CUEDC1: variants seen among roughly 807,000 people sequenced by gnomAD.
CUEDC1 encodes CUE domain-containing protein 1.
A neutral mutation model predicts 43.7 loss-of-function variants in CUEDC1; 30 were observed. The observed-to-expected ratio is 0.69, with a 90% CI of 0.51 to 0.93. CUEDC1 has a LOEUF of 0.93. Ranked by LOEUF, CUEDC1 falls within the 40% of genes least tolerant of loss-of-function variation. CUEDC1 has a pLI of 0.00. For missense variants in CUEDC1, 486 were observed against 549.0 expected, an observed-to-expected ratio of 0.89 and a Z score of 1.15; for synonymous variants, 223 against 223.6, an observed-to-expected ratio of 1.00 and a Z score of 0.02.
intron 1 of CUEDC1, among the ~76,000 whole-genome samples, chr17:57,951,210 C>CAAT (rs988793974): frequency 6.6e-6 from 1 of 151,634 alleles, no homozygotes; most frequent in African/African-American, 2.4e-5. Context: ...GCAGAAATGG[C>CAAT]AATAATAATA....
chr17:57,918,197 C>T (rs1273174730), intron 1 of CUEDC1, among the ~76,000 whole-genome samples: 2 of 152,214 alleles, frequency 1.3e-5, no homozygotes, highest in Non-Finnish European at 2.9e-5. Context: ...AGTACATGTG[C>T]AAAACCCTCA....
intron 1 of CUEDC1, among the ~76,000 whole-genome samples, chr17:57,947,231 G>A (rs1012664284): frequency 1.3e-5 from 2 of 151,970 alleles, no homozygotes; most frequent in Non-Finnish European, 2.9e-5. Flanking sequence ...ATTAGAGGAG[G>A]AAGCAAAAGT....
At chr17:57,942,316 C>T (rs142648943) in intron 1 of CUEDC1, among the ~76,000 whole-genome samples, 123 of 152,234 alleles carry the variant, frequency 8.1e-4, no homozygotes, top group African/African-American at 2.8e-3. Context: ...TCATGGGGTG[C>T]GAATGGCCCA....
chr17:57,917,630 G>A (rs1240621883), intron 1 of CUEDC1, among the ~76,000 whole-genome samples: 5 of 152,228 alleles, frequency 3.3e-5, no homozygotes, highest in Non-Finnish European at 2.9e-5. Context: ...ATTGACTGAT[G>A]TGGAGACAGG....
At chr17:57,915,822 G>T (rs1390400406) in intron 1 of CUEDC1, among the ~76,000 whole-genome samples, 1 of 152,216 alleles carries the variant, frequency 6.6e-6, no homozygotes, top group African/African-American at 2.4e-5. Flanking sequence ...AAGCTGGGCG[G>T]GGAGGAGGGG....
intron 2 of CUEDC1, among the ~76,000 whole-genome samples, chr17:57,884,723 G>A (rs1042454926): frequency 6.6e-6 from 1 of 152,154 alleles, no homozygotes; most frequent in Non-Finnish European, 1.5e-5. Flanking sequence ...GCTTCCTCTG[G>A]GAAGTCACTC....
chr17:57,885,728 G>T lies in CUEDC1; in HGVS notation c.-164C>A. 8.5e-7 allele frequency: 1 copy of T among 1,175,738 alleles called. No individual in the cohort carries two copies. The highest frequency in any genetic ancestry group is 1.1e-6 in the Non-Finnish European group (1 of 920,916). The allele number at this position is 1,175,738 out of a possible 1,614,324, so 72.8% of individuals were successfully genotyped here. On this transcript the variant is annotated 5_prime_UTR_variant, in exon 2 of 11. Coordinates refer to ENST00000577830, the MANE Select transcript of CUEDC1 (RefSeq NM_001271875.2). ...CAGCAATGGGCTGCCAAGAGCTCCG[G>T]GTTAGGAGAGTACGGGCGCGGGGCC...
chr17:57,888,014 T>A (rs1796379801), intron 1 of CUEDC1, among the ~76,000 whole-genome samples: 1 of 141,916 alleles, frequency 7.0e-6, no homozygotes, highest in African/African-American at 2.6e-5. Flanking sequence ...AAGTCTCCCA[T>A]CTCAGCCTCC....
chr17:57,894,085 T>TCC (rs1370302720), intron 1 of CUEDC1, among the ~76,000 whole-genome samples: 1 of 152,210 alleles, frequency 6.6e-6, no homozygotes, highest in Non-Finnish European at 1.5e-5. Flanking sequence ...AGAGCAAGAC[T>TCC]CCGTCTCAAA....
At chr17:57,894,454 T>C (rs988714293) in intron 1 of CUEDC1, among the ~76,000 whole-genome samples, 2 of 152,124 alleles carry the variant, frequency 1.3e-5, no homozygotes, top group African/African-American at 4.8e-5. Context: ...GCAGATCATC[T>C]GAGGTCAGGA....
rs756164595 is a variant in CUEDC1, at chr17:57,954,635, G to A, written c.-316+590C>T. On this transcript the variant is annotated intron_variant, in intron 1 of 10. Coordinates refer to ENST00000577830, the MANE Select transcript of CUEDC1 (RefSeq NM_001271875.2). The surrounding 1 kb of genome is among the most constrained non-coding windows in gnomAD (Gnocchi z 4.3). ...CCAACTTTCCCTGGCCGAGCTGACG[G>A]GAGATACAGCTCCCAGGGGACCGGG... Among the ~76,000 whole-genome samples, 5 of 151,144 alleles carry A rather than the reference G, an allele frequency of 3.3e-5. No individual in the cohort carries two copies. Among genetic ancestry groups the A allele is most frequent in the Non-Finnish European group, 7.4e-5 (5 of 68,014 alleles).
intron 10 of CUEDC1, among the ~76,000 whole-genome samples, chr17:57,864,065 A>G (rs1386966232): frequency 3.9e-5 from 6 of 152,074 alleles, no homozygotes; most frequent in Non-Finnish European, 7.4e-5. Context: ...GAGCACAGGA[A>G]AAATGGAACT....
intron 1 of CUEDC1, among the ~76,000 whole-genome samples, chr17:57,912,018 G>A (rs2074588520): frequency 6.6e-6 from 1 of 152,236 alleles, no homozygotes; most frequent in African/African-American, 2.4e-5. Flanking sequence ...GGATGCGCAA[G>A]ATAAAAACCT....
chr17:57,886,685 C>T (rs1162738605), intron 1 of CUEDC1, among the ~76,000 whole-genome samples: 1 of 152,268 alleles, frequency 6.6e-6, no homozygotes, highest in East Asian at 1.9e-4. Flanking sequence ...AATGTCAGGC[C>T]GACATGTTTT....
chr17:57,880,221 T>C (rs1326780988), intron 2 of CUEDC1, among the ~76,000 whole-genome samples: 1 of 152,208 alleles, frequency 6.6e-6, no homozygotes, highest in Non-Finnish European at 1.5e-5. Context: ...CCTGTACCCA[T>C]GCTATTCTTT....
chr17:57,942,166 C>T (rs1462709266), intron 1 of CUEDC1, among the ~76,000 whole-genome samples: 1 of 152,128 alleles, frequency 6.6e-6, no homozygotes, highest in East Asian at 1.9e-4. Context: ...TCCCGGCAAA[C>T]TCAGAGAAGG....
At position 57,883,104 on chromosome 17, in the gene CUEDC1, A is replaced by G. The variant is rs192491058; in HGVS notation, c.336+2125T>C. Among the ~76,000 whole-genome samples, 14 of 152,214 alleles carry G rather than the reference A, an allele frequency of 9.2e-5. No homozygotes were observed. The East Asian group carries it at 2.7e-3, about 29-fold the overall frequency. The stretch of plus-strand genomic sequence containing the variant: ...CTACAAAGAGGATCCATATTTTCCA[A>G]TATTCCTTCCACCACCTACTCCAAG... On this transcript the variant is annotated intron_variant, in intron 2 of 10. Transcript: ENST00000577830.
intron 1 of CUEDC1, among the ~76,000 whole-genome samples, chr17:57,917,976 C>G (rs749996778): frequency 1.3e-5 from 2 of 151,944 alleles, no homozygotes; most frequent in Non-Finnish European, 2.9e-5. Context: ...CCTCAGTTTA[C>G]CCCCTCAACA....
At chr17:57,868,015 G>C (rs1020356493) in intron 8 of CUEDC1, 135 bp downstream of exon 8, 9 of 711,258 alleles carry the variant, frequency 1.3e-5, no homozygotes, top group African/African-American at 1.2e-4. Flanking sequence ...TGGAGGAGAG[G>C]GGAGGAGGAA....
Sources: allele counts gnomAD v4.1 joint callset (sites outside exome capture counted in the v4.1 genomes callset), GRCh38; gene constraint gnomAD v4.1.1; non-coding constraint Gnocchi (gnomAD v3.1); transcripts MANE v1.5; gene names NCBI Gene and HGNC (gene_info 2026-07-23, HGNC 2026-07-21).